GRIA4: variants seen among roughly 807,000 people sequenced by gnomAD.
The protein encoded by GRIA4 is glutamate ionotropic receptor AMPA type subunit 4.
A neutral mutation model predicts 104.0 loss-of-function variants in GRIA4; 34 were observed. The ratio of observed to expected loss-of-function variants is 0.33; its 90% confidence interval spans 0.25 to 0.44. The LOEUF (loss-of-function observed/expected upper bound fraction) is 0.44, where lower values mean the gene tolerates loss of function less well. Ranked by LOEUF, GRIA4 falls within the 20% of genes least tolerant of loss-of-function variation. The pLI is 1.00. For synonymous variants in GRIA4, 386 were observed against 381.9 expected (o/e 1.01, Z -0.13); for missense variants, 750 against 1,096.5 (o/e 0.68, Z 4.46).
intron 4 of GRIA4, among the ~76,000 whole-genome samples, chr11:105,782,166 TA>T (rs1941757587): frequency 6.6e-6 from 1 of 152,180 alleles, no homozygotes; most frequent in Non-Finnish European, 1.5e-5. Flanking sequence ...ATCTTTCCCA[TA>T]GGGAAATATA....
chr11:105,934,055 T>C (rs1419434087), intron 14 of GRIA4, 86 bp downstream of exon 14: 2 of 1,097,178 alleles, frequency 1.8e-6, no homozygotes, highest in East Asian at 4.9e-5. Context: ...TTTTGTTTTG[T>C]GTGTGAACAT....
At chr11:105,779,783 T>C (rs190554487) in intron 4 of GRIA4, among the ~76,000 whole-genome samples, 3 of 152,258 alleles carry the variant, frequency 2.0e-5, no homozygotes, top group East Asian at 1.9e-4. Flanking sequence ...CTACAGTAGA[T>C]AGTGTAGATC....
chr11:105,804,041 A>G (rs1020120538), intron 4 of GRIA4, among the ~76,000 whole-genome samples: 2 of 151,896 alleles, frequency 1.3e-5, no homozygotes, highest in East Asian at 3.9e-4. Context: ...CATTTGCTAT[A>G]TATGATTGGA....
chr11:105,893,924 A>G (rs1356147980), intron 6 of GRIA4, among the ~76,000 whole-genome samples: 1 of 152,204 alleles, frequency 6.6e-6, no homozygotes, highest in African/African-American at 2.4e-5. Context: ...CATTTCAGAA[A>G]CATAGGTTTA....
chr11:105,800,830 A>T (rs1354832543), intron 4 of GRIA4, among the ~76,000 whole-genome samples: 3 of 152,040 alleles, frequency 2.0e-5, no homozygotes, highest in African/African-American at 7.2e-5. Context: ...ATAAATAAAT[A>T]AATTAACAAG....
Position 105,839,604 on chromosome 11 carries a change from T to C in GRIA4, c.488-22420T>C, listed in dbSNP as rs540270481. On this transcript the variant is annotated intron_variant, in intron 4 of 16. Transcript: ENST00000282499. The stretch of plus-strand genomic sequence containing the variant: ...CCAATAATTTCTGAGAATTAATGGA[T>C]TAATGGTTAAAAATAAGAACCCCAG... Among the ~76,000 whole-genome samples, 61 of 152,146 alleles carry C rather than the reference T, an allele frequency of 4.0e-4. No homozygotes were observed. The East Asian group carries it at 9.3e-3, about 23-fold the overall frequency.
intron 4 of GRIA4, among the ~76,000 whole-genome samples, chr11:105,755,626 G>T (rs1480872912): frequency 1.3e-5 from 2 of 152,146 alleles, no homozygotes; most frequent in Non-Finnish European, 2.9e-5. Context: ...TGCCTAGATA[G>T]CTAGTAAAAC....
intron 4 of GRIA4, among the ~76,000 whole-genome samples, chr11:105,757,204 G>A (rs996557718): frequency 6.6e-6 from 1 of 152,118 alleles, no homozygotes; most frequent in Non-Finnish European, 1.5e-5. Context: ...GAACTGAGGG[G>A]TAAGTGAACG....
At chr11:105,782,461 T>C (rs1458019663) in intron 4 of GRIA4, among the ~76,000 whole-genome samples, 1 of 152,232 alleles carries the variant, frequency 6.6e-6, no homozygotes, top group East Asian at 1.9e-4. Context: ...AACCAAATAA[T>C]ACATGATTTC....
intron 3 of GRIA4, among the ~76,000 whole-genome samples, chr11:105,695,073 T>C (rs1225187453): frequency 6.6e-6 from 1 of 152,154 alleles, no homozygotes; most frequent in Non-Finnish European, 1.5e-5. Flanking sequence ...AATTCACACT[T>C]TTTCTCCTAT....
chr11:105,880,672 C>T (rs931178390), intron 5 of GRIA4, among the ~76,000 whole-genome samples: 1 of 152,006 alleles, frequency 6.6e-6, no homozygotes, highest in Non-Finnish European at 1.5e-5. Context: ...CAAGTGAAGA[C>T]ATTTTGAAGG....
At chr11:105,713,847 A>G (rs1953999598) in intron 3 of GRIA4, among the ~76,000 whole-genome samples, 1 of 152,190 alleles carries the variant, frequency 6.6e-6, no homozygotes, top group Non-Finnish European at 1.5e-5. Context: ...TTCAAAAATA[A>G]TTAACAACAG....
At chr11:105,701,042 T>C (rs946251589) in intron 3 of GRIA4, among the ~76,000 whole-genome samples, 13 of 152,180 alleles carry the variant, frequency 8.5e-5, no homozygotes, top group Admixed American at 3.9e-4. Flanking sequence ...TGCTTGTTCT[T>C]GCCTCTATAC....
rs887267203 is a variant in GRIA4, at chr11:105,905,071, C to A, written c.1054-126C>A. 1.5e-5 allele frequency: 9 copies of A among 611,172 alleles called. No individual in the cohort carries two copies. The Admixed American group carries it at 2.5e-4, about 17-fold the overall frequency. 37.9% of individuals were successfully genotyped at this position (611,172 alleles called of 1,614,324 possible). A position where few individuals can be genotyped will look rare whatever the true frequency, so the allele number is the denominator to read the frequency against. ...TCCCAATAGCTCAAATACCTAATGGCATTTCAGTTAGTTGGTTATAGTTTA... is the reference window on the plus strand; with the variant it reads ...TCCCAATAGCTCAAATACCTAATGGAATTTCAGTTAGTTGGTTATAGTTTA... On this transcript the variant is annotated intron_variant, in intron 8 of 16. Coordinates refer to ENST00000282499, the MANE Select transcript of GRIA4 (RefSeq NM_000829.4).
At chr11:105,951,442 C>T (rs1417394500) in intron 14 of GRIA4, among the ~76,000 whole-genome samples, 1 of 152,170 alleles carries the variant, frequency 6.6e-6, no homozygotes, top group East Asian at 1.9e-4. Context: ...ACTTCACTAG[C>T]TAGGCATGGT....
intron 3 of GRIA4, among the ~76,000 whole-genome samples, chr11:105,690,517 A>G (rs576112457): frequency 3.3e-5 from 5 of 152,316 alleles, no homozygotes; most frequent in Admixed American, 2.6e-4. Context: ...ACTCTTAAAA[A>G]GAGGGGGAGA....
At chr11:105,679,647 CTTATG>C (rs749476382) in intron 3 of GRIA4, among the ~76,000 whole-genome samples, 7 of 151,960 alleles carry the variant, frequency 4.6e-5, no homozygotes, top group Admixed American at 6.6e-5. Flanking sequence ...GCAAATGCAT[CTTATG>C]TTATATGACA....
At chr11:105,937,121 G>A (rs1948066622) in intron 14 of GRIA4, among the ~76,000 whole-genome samples, 1 of 151,974 alleles carries the variant, frequency 6.6e-6, no homozygotes, top group South Asian at 2.1e-4. Context: ...TTGGCAATCC[G>A]AAACAATTGT....
At chr11:105,728,144 G>A (rs1287675413) in intron 3 of GRIA4, among the ~76,000 whole-genome samples, 1 of 152,162 alleles carries the variant, frequency 6.6e-6, no homozygotes, top group East Asian at 1.9e-4. Context: ...CATGTGCAAA[G>A]ACACACATAG....
Sources: allele counts gnomAD v4.1 joint callset (sites outside exome capture counted in the v4.1 genomes callset), GRCh38; gene constraint gnomAD v4.1.1; transcripts MANE v1.5; gene names NCBI Gene and HGNC (gene_info 2026-07-23, HGNC 2026-07-21).